Variants in TIMP2 observed in about 807,000 individuals in gnomAD.
The protein encoded by TIMP2 is metalloproteinase inhibitor 2.
TIMP2 carries 5 observed loss-of-function variants against 24.3 expected under a neutral mutation model. That is an observed-to-expected ratio of 0.21 (90% CI 0.11 to 0.43). The LOEUF (loss-of-function observed/expected upper bound fraction) is 0.43. TIMP2 is among the 20% of genes least tolerant of loss of function. The pLI, the probability that TIMP2 is intolerant of heterozygous loss-of-function variation, is 1.00. For synonymous variants in TIMP2, 130 were observed against 123.2 expected (o/e 1.06, Z -0.37); for missense variants, 221 against 297.5 (o/e 0.74, Z 1.89).
chr17:78,903,784 T>G (rs1397226680), intron 1 of TIMP2, among the ~76,000 whole-genome samples: 1 of 151,602 alleles, frequency 6.6e-6, no homozygotes, highest in African/African-American at 2.4e-5. Context: ...GGGATGAACA[T>G]GGGACACTGG....
chr17:78,866,767 G>C (rs1049024591), intron 3 of TIMP2, among the ~76,000 whole-genome samples: 3 of 152,146 alleles, frequency 2.0e-5, no homozygotes, highest in African/African-American at 7.2e-5. Context: ...AAACACGAAA[G>C]AAGCCGGTTA....
intron 1 of TIMP2, chr17:78,904,753 C>T (rs1331637243): frequency 6.6e-6 from 1 of 152,234 alleles, no homozygotes; most frequent in Admixed American, 6.5e-5. Context: ...AAGAAGATCC[C>T]TCCTCGCCAG....
intron 1 of TIMP2, among the ~76,000 whole-genome samples, chr17:78,909,882 C>T (rs1372719800): frequency 6.6e-6 from 1 of 152,050 alleles, no homozygotes; most frequent in African/African-American, 2.4e-5. Flanking sequence ...AAACAGGGAA[C>T]TAGGGCACAG....
chr17:78,891,371 G>A lies in TIMP2; in HGVS notation c.131-17452C>T, dbSNP rs1289506053. ...GCCACACTCTTGCATCTCTGAGAAG[G>A]CATGCCCTTCCCCAGGTCTCTGGTC... On this transcript the variant is annotated intron_variant, in intron 1 of 4. Transcript: ENST00000262768. The surrounding 1 kb of genome is among the most constrained non-coding windows in gnomAD (Gnocchi z 4.5). 1 of 1,550,474 alleles carries A rather than the reference G, an allele frequency of 6.4e-7. No homozygotes were observed. The highest frequency in any genetic ancestry group is 8.7e-7 in the Non-Finnish European group (1 of 1,147,032).
chr17:78,867,594 C>CTTT (rs58975858), intron 3 of TIMP2, among the ~76,000 whole-genome samples: 7 of 127,672 alleles, frequency 5.5e-5, no homozygotes, highest in Admixed American at 1.6e-4. Flanking sequence ...TTTGTACCTT[C>CTTT]TTTTTTTTTT....
chr17:78,897,091 C>T lies in TIMP2; in HGVS notation c.131-23172G>A, dbSNP rs887855874. On this transcript the variant is annotated intron_variant, in intron 1 of 4. Transcript: ENST00000262768. Reference sequence around the variant, plus strand: ...GCGTGGAAGTGCCAGGGCCCACAGACAGCACCCCCCCGCCCCCCGCCGGCC... The same window carrying T: ...GCGTGGAAGTGCCAGGGCCCACAGATAGCACCCCCCCGCCCCCCGCCGGCC... The T allele has an allele frequency of 1.7e-5, 12 of 700,644 alleles. No homozygotes were observed. In the African/African-American group the frequency reaches 3.1e-4, roughly 18 times the overall value. 43.4% of individuals were successfully genotyped at this position (700,644 alleles called of 1,614,324 possible).
In TIMP2 at chr17:78,891,969, TC is replaced by T. The variant is rs1352649852; in HGVS notation, c.131-18051del. 2 of 1,550,604 alleles carry T rather than the reference TC, an allele frequency of 1.3e-6. No homozygotes were observed. Among genetic ancestry groups the T allele is most frequent in the Non-Finnish European group, 1.7e-6 (2 of 1,146,996 alleles). The stretch of plus-strand genomic sequence containing the variant: ...TGCTGGCCCAACTCTTCCCTGCAAC[TC>T]CTCTCTTCACTAAGGGCTGCTCTAT... On this transcript the variant is annotated intron_variant, in intron 1 of 4. Transcript: ENST00000262768. This position sits in a 1 kb window ranked among gnomAD's most constrained non-coding sequence, Gnocchi z 4.5.
chr17:78,869,159 G>A (rs958798273), intron 3 of TIMP2, among the ~76,000 whole-genome samples: 2 of 152,172 alleles, frequency 1.3e-5, no homozygotes, highest in African/African-American at 2.4e-5. Context: ...AGTGGCTCAC[G>A]CCTATAATCC....
intron 1 of TIMP2, among the ~76,000 whole-genome samples, chr17:78,886,327 G>T (rs560819311): frequency 6.6e-6 from 1 of 152,182 alleles, no homozygotes; most frequent in African/African-American, 2.4e-5. Context: ...AGGCAGGCTG[G>T]TTCCCCCATC....
At chr17:78,878,074 T>C (rs1488459390) in intron 1 of TIMP2, among the ~76,000 whole-genome samples, 9 of 152,136 alleles carry the variant, frequency 5.9e-5, no homozygotes, top group African/African-American at 2.2e-4. Flanking sequence ...TCAACAAGCA[T>C]GTCACTGGAG....
chr17:78,873,686 G>A (rs936165230), intron 2 of TIMP2, 133 bp downstream of exon 2: 2 of 653,942 alleles, frequency 3.1e-6, no homozygotes, highest in East Asian at 2.7e-5. Flanking sequence ...TCTATTTGCA[G>A]CTTGATGACC....
intron 1 of TIMP2, among the ~76,000 whole-genome samples, chr17:78,880,410 G>C (rs138370060): frequency 1.3e-5 from 2 of 152,186 alleles, no homozygotes; most frequent in Non-Finnish European, 2.9e-5. Flanking sequence ...TCGAAAGGCC[G>C]GGTGCAGTGG....
intron 1 of TIMP2, chr17:78,902,612 G>C (rs890422316): frequency 6.6e-6 from 1 of 152,416 alleles, no homozygotes; most frequent in Non-Finnish European, 1.5e-5. Context: ...GGGCAAGCTC[G>C]GGCTCAGGCC....
rs1341337207 is a variant in TIMP2 at position 78,925,105 on chromosome 17, G to A, written c.-17C>T. ...GGCGCCCATGGCGGGCCGGGGGGCT[G>A]GGCGGGCGGGGGCCGCCGCTGGGGG... On this transcript the variant is annotated 5_prime_UTR_variant, in exon 1 of 5. Transcript: ENST00000262768. The A allele has an allele frequency of 3.2e-5, 29 of 908,252 alleles. No homozygotes were observed. The highest frequency in any genetic ancestry group is 5.6e-4 in the Middle Eastern group (1 of 1,794). The allele number at this position is 908,252 out of a possible 1,614,324, so 56.3% of individuals were successfully genotyped here.
intron 1 of TIMP2, among the ~76,000 whole-genome samples, chr17:78,893,460 GGT>G (rs2069948746): frequency 2.1e-5 from 3 of 144,462 alleles, no homozygotes; most frequent in East Asian, 2.1e-4. Context: ...TGTGTGCAGG[GGT>G]GTGTGTGCAT....
At chr17:78,866,998 C>T (rs768372128) in intron 3 of TIMP2, among the ~76,000 whole-genome samples, 2 of 152,196 alleles carry the variant, frequency 1.3e-5, no homozygotes, top group Admixed American at 6.5e-5. Flanking sequence ...CGGTGGCTCA[C>T]GCCTGTAATC....
chr17:78,873,272 G>A (rs1357641772), intron 2 of TIMP2, among the ~76,000 whole-genome samples: 1 of 150,180 alleles, frequency 6.7e-6, no homozygotes, highest in Non-Finnish European at 1.5e-5. Flanking sequence ...CCCCAGGCCA[G>A]GCCCTGCCCT....
At chr17:78,911,098 C>T (rs1312661826) in intron 1 of TIMP2, among the ~76,000 whole-genome samples, 1 of 152,208 alleles carries the variant, frequency 6.6e-6, no homozygotes. Context: ...CCCTTTTCTC[C>T]CCTTCCTTGC....
intron 1 of TIMP2, among the ~76,000 whole-genome samples, chr17:78,883,456 C>T (rs2069796324): frequency 6.6e-6 from 1 of 152,206 alleles, no homozygotes; most frequent in Admixed American, 6.5e-5. Context: ...GGAATGACAA[C>T]TACTCAGAAA....
Sources: allele counts gnomAD v4.1 joint callset (sites outside exome capture counted in the v4.1 genomes callset), GRCh38; gene constraint gnomAD v4.1.1; non-coding constraint Gnocchi (gnomAD v3.1); transcripts MANE v1.5; gene names NCBI Gene and HGNC (gene_info 2026-07-23, HGNC 2026-07-21).